DHX34: variants seen among roughly 807,000 people sequenced by gnomAD.
DHX34 encodes DExH-box helicase 34.
Under a neutral mutation model 111.1 loss-of-function variants are expected in DHX34, and 96 were observed. The ratio of observed to expected loss-of-function variants is 0.86; its 90% CI spans 0.73 to 1.02. DHX34 has a LOEUF of 1.02. DHX34 is among the 50% of genes least tolerant of loss of function. The probability of loss-of-function intolerance (pLI) is 0.00; values close to 1 mark genes in which losing one functional copy is unlikely to be tolerated. For synonymous variants in DHX34, 688 were observed against 670.4 expected (o/e 1.03, Z -0.41); for missense variants, 1,560 against 1,579.9 (o/e 0.99, Z 0.21).
chr19:47,352,680 G>T (rs557601181), intron 1 of DHX34, 74 bp from the exon 2 acceptor site: 15 of 229,480 alleles, frequency 6.5e-5, no homozygotes, highest in Non-Finnish European at 1.1e-4. Flanking sequence ...GCCTCAAAAA[G>T]AAAAAAACAA....
At chr19:47,351,171 C>CTTTTTTTTTTTTTTTTT (rs955543104) in intron 1 of DHX34, among the ~76,000 whole-genome samples, 3 of 93,100 alleles carry the variant, frequency 3.2e-5, no homozygotes, top group Non-Finnish European at 6.1e-5. Context: ...TTTTCTTTTT[C>CTTTTTTTTTTTTTTTTT]TTTTTTTTTT....
chr19:47,356,702 C>G (rs1414919721), intron 3 of DHX34, among the ~76,000 whole-genome samples: 1 of 151,774 alleles, frequency 6.6e-6, no homozygotes, highest in Non-Finnish European at 1.5e-5. Flanking sequence ...GCCTATAATC[C>G]CAGCACTTTA....
In DHX34 at chr19:47,355,180, G is replaced by T. The variant is rs1969418010; in HGVS notation, c.847G>T (p.Glu283Ter). 1 of 1,614,030 alleles carries T rather than the reference G, an allele frequency of 6.2e-7. No homozygotes were observed. Among genetic ancestry groups the T allele is most frequent in the South Asian group, 1.1e-5 (1 of 91,094 alleles). Reference protein sequence around the residue: ...YEVLIVDEVHERHLHNDFLLG... With the variant: ...YEVLIVDEVH ...GGTCCTGATTGTGGATGAAGTCCAT[G>T]AGCGGCATCTCCACAACGATTTCCT... Residue 283 changes from glutamate (E) to a stop codon, truncating the protein, a stop_gained, in exon 3 of 17, where the codon GAG (glutamate) becomes TAG (stop). Coordinates refer to ENST00000328771, the MANE Select transcript of DHX34 (RefSeq NM_014681.6). LOFTEE classifies it high-confidence loss of function.
chr19:47,377,274 G>A, intron 13 of DHX34, 68 bp downstream of exon 13: 2 of 1,517,192 alleles, frequency 1.3e-6, no homozygotes, highest in Non-Finnish European at 1.8e-6. Flanking sequence ...GTGGTGGGTG[G>A]GGGCACCGCG....
intron 13 of DHX34, among the ~76,000 whole-genome samples, 157 bp downstream of exon 13, chr19:47,377,363 T>C (rs1970202201): frequency 1.3e-5 from 2 of 152,174 alleles, no homozygotes; most frequent in Non-Finnish European, 2.9e-5. Context: ...GCTTTTTCTC[T>C]CATTCATGGA....
chr19:47,351,171 C>CTTTTT (rs955543104), intron 1 of DHX34, among the ~76,000 whole-genome samples: 241 of 93,096 alleles, frequency 2.6e-3, no homozygotes, highest in Non-Finnish European at 3.1e-3. Context: ...TTTTCTTTTT[C>CTTTTT]TTTTTTTTTT....
intron 1 of DHX34, among the ~76,000 whole-genome samples, chr19:47,350,706 C>G (rs1304268904): frequency 6.6e-6 from 1 of 152,042 alleles, no homozygotes; most frequent in Non-Finnish European, 1.5e-5. Context: ...AGGCGTGAGC[C>G]ACCATGCCCG....
At position 47,353,024 on chromosome 19, in the gene DHX34, T is replaced by C; in HGVS notation, c.-7T>C. 2 of 1,606,410 alleles carry C rather than the reference T, an allele frequency of 1.2e-6. No individual in the cohort carries two copies. Among genetic ancestry groups the C allele is most frequent in the African/African-American group, 2.7e-5 (2 of 74,808 alleles). Reference sequence around the variant, plus strand: ...CAGAACTGAGACTCCTATTGTGGATTAGTAACATGCCTCCTCCTAGAACAA... The same window carrying C: ...CAGAACTGAGACTCCTATTGTGGATCAGTAACATGCCTCCTCCTAGAACAA... On this transcript the variant is annotated 5_prime_UTR_variant, in exon 2 of 17. Coordinates refer to ENST00000328771, the MANE Select transcript of DHX34 (RefSeq NM_014681.6). The surrounding 1 kb of genome is among the most constrained non-coding windows in gnomAD (Gnocchi z 4.6).
At chr19:47,356,300 C>T (rs16972172) in intron 3 of DHX34, among the ~76,000 whole-genome samples, 36,274 of 151,864 alleles carry the variant, frequency 0.24, 6,554 homozygotes, top group African/African-American at 0.49. Flanking sequence ...TTTCTGGTTC[C>T]GGATGCCCAT....
At chr19:47,354,566 T>C (rs564799054) in intron 2 of DHX34, among the ~76,000 whole-genome samples, 4 of 152,330 alleles carry the variant, frequency 2.6e-5, no homozygotes, top group African/African-American at 9.6e-5. Context: ...CAGTTGGCAC[T>C]AAGTGGCAGA....
rs191810019 is a variant in DHX34 at position 47,362,415 on chromosome 19, G to T, written c.1376-61G>T. ...TGTTGGCGAGTGACAAGAGCCAGGCGCGTGGCCAGCTGCACGTGGCTGCCA... is the reference window on the plus strand; with the variant it reads ...TGTTGGCGAGTGACAAGAGCCAGGCTCGTGGCCAGCTGCACGTGGCTGCCA... On this transcript the variant is annotated intron_variant, in intron 5 of 16. Transcript: ENST00000328771. The T allele has an allele frequency of 2.8e-5, 40 of 1,441,292 alleles. No homozygotes were observed. The African/African-American group carries it at 4.9e-4, about 18-fold the overall frequency. The allele number at this position is 1,441,292 out of a possible 1,614,324, so 89.3% of individuals were successfully genotyped here.
chr19:47,354,990 G>T (rs765402097), intron 2 of DHX34, 49 bp from the exon 3 acceptor site: 1 of 1,593,696 alleles, frequency 6.3e-7, no homozygotes, highest in Admixed American at 1.7e-5. Flanking sequence ...CCAGGGGCTG[G>T]TACCCAGGCT....
chr19:47,370,827 C>G (rs1263847481), intron 7 of DHX34, among the ~76,000 whole-genome samples: 2 of 152,198 alleles, frequency 1.3e-5, no homozygotes, highest in South Asian at 2.1e-4. Context: ...TAGGCATGTG[C>G]CACCACACTC....
intron 3 of DHX34, among the ~76,000 whole-genome samples, chr19:47,357,562 A>G (rs866375419): frequency 3.3e-5 from 5 of 152,174 alleles, no homozygotes; most frequent in Non-Finnish European, 5.9e-5. Context: ...GGGTAGGGCC[A>G]GGGATGCTGC....
chr19:47,354,682 C>G (rs895782139), intron 2 of DHX34, among the ~76,000 whole-genome samples: 3 of 152,140 alleles, frequency 2.0e-5, no homozygotes, highest in Non-Finnish European at 4.4e-5. Flanking sequence ...TGGAGTTTCA[C>G]TCTTGTTGCC....
At chr19:47,381,735 G>T (rs373857193) in intron 16 of DHX34, 1 of 585,356 alleles carries the variant, frequency 1.7e-6, no homozygotes, top group Non-Finnish European at 2.2e-6. Context: ...GGCTGGCTGT[G>T]TCTGCCTCTC....
chr19:47,374,375 TGTG>T lies in DHX34; in HGVS notation c.2064+679_2064+681del, dbSNP rs566714446. 4.8e-5 allele frequency among the ~76,000 whole-genome samples: 7 copies of T among 147,036 alleles called. No homozygotes were observed. The South Asian group carries it at 6.4e-4, about 13-fold the overall frequency. ...TCGTTTGAACCCAGGAGGTGGAGGTTGTGGTGAGCCGAGATTGAGCCATTGCAC... is the reference window on the plus strand; with the variant it reads ...TCGTTTGAACCCAGGAGGTGGAGGTTGTGAGCCGAGATTGAGCCATTGCAC... On this transcript the variant is annotated intron_variant, in intron 9 of 16. Transcript: ENST00000328771.
chr19:47,377,143 C>T lies in DHX34; in HGVS notation c.2643C>T (p.Phe881=), dbSNP rs748684125. 2.9e-5 allele frequency: 47 copies of T among 1,613,862 alleles called. 2 individuals carry two copies. In the South Asian group the frequency reaches 4.3e-4, roughly 15 times the overall value. Reference sequence around the variant, plus strand: ...GCAGCAAACACCAGCTCCTCAGCTTCGTGTCCCTGCTGGAGACCAACAAGC... The same window carrying T: ...GCAGCAAACACCAGCTCCTCAGCTTTGTGTCCCTGCTGGAGACCAACAAGC... ...KMSSKHQLLS[F]VSLLETNKPY... Residue 881 remains phenylalanine, a synonymous_variant, in exon 13 of 17, where the codon TTC becomes TTT. Transcript: ENST00000328771.
At chr19:47,373,761 C>G in intron 9 of DHX34, 61 bp downstream of exon 9, 2 of 1,561,158 alleles carry the variant, frequency 1.3e-6, no homozygotes, top group Non-Finnish European at 1.7e-6. Flanking sequence ...TAAGCACACT[C>G]CAGAACACTG....
Sources: allele counts gnomAD v4.1 joint callset (sites outside exome capture counted in the v4.1 genomes callset), GRCh38; gene constraint gnomAD v4.1.1; non-coding constraint Gnocchi (gnomAD v3.1); transcripts MANE v1.5; gene names NCBI Gene and HGNC (gene_info 2026-07-23, HGNC 2026-07-21).